MYRIP: variants seen among roughly 807,000 people sequenced by gnomAD.
The protein encoded by MYRIP is myosin VIIA and Rab interacting protein.
In MYRIP, 49 loss-of-function variants were observed where a neutral mutation model predicts 98.0. That is an observed-to-expected ratio of 0.50 (90% CI 0.40 to 0.63). The LOEUF (loss-of-function observed/expected upper bound fraction) is 0.63, where lower values mean the gene tolerates loss of function less well. Among genes scored for constraint, MYRIP ranks in the 30% least tolerant of loss-of-function variants. MYRIP has a pLI of 0.00. For synonymous variants in MYRIP, 404 were observed against 409.5 expected (o/e 0.99, Z 0.16); for missense variants, 1,004 against 1,058.2 (o/e 0.95, Z 0.71).
chr3:39,842,349 G>A (rs912940972), intron 1 of MYRIP, among the ~76,000 whole-genome samples: 8 of 152,134 alleles, frequency 5.3e-5, no homozygotes, highest in Admixed American at 6.5e-5. Context: ...TCAGACTGCC[G>A]TGCTGGCAGC....
intron 1 of MYRIP, among the ~76,000 whole-genome samples, chr3:39,817,592 T>C (rs761966826): frequency 7.2e-5 from 11 of 152,194 alleles, no homozygotes; most frequent in Non-Finnish European, 1.0e-4. Context: ...AATATACTTT[T>C]GTATATATTT....
At chr3:40,015,649 G>A (rs1319623350) in intron 2 of MYRIP, among the ~76,000 whole-genome samples, 1 of 152,240 alleles carries the variant, frequency 6.6e-6, no homozygotes, top group Non-Finnish European at 1.5e-5. Context: ...CCTTAGCCAG[G>A]ACAGCCAGGC....
chr3:39,922,110 G>C (rs1364992624), intron 2 of MYRIP, among the ~76,000 whole-genome samples: 3 of 151,978 alleles, frequency 2.0e-5, no homozygotes, highest in Non-Finnish European at 4.4e-5. Context: ...AGTTCTCTTA[G>C]GTTTTTGTTT....
At chr3:40,166,240 A>G (rs1950496261) in intron 5 of MYRIP, among the ~76,000 whole-genome samples, 1 of 152,230 alleles carries the variant, frequency 6.6e-6, no homozygotes, top group Non-Finnish European at 1.5e-5. Context: ...TCATCACAAT[A>G]TACATTATAT....
chr3:39,890,368 C>G (rs375292788), intron 1 of MYRIP, among the ~76,000 whole-genome samples: 19 of 152,052 alleles, frequency 1.2e-4, no homozygotes, highest in African/African-American at 4.6e-4. Context: ...TTGATATTTC[C>G]CCATTTCTTC....
chr3:40,159,889 C>A (rs1298869754), intron 4 of MYRIP, among the ~76,000 whole-genome samples: 1 of 152,184 alleles, frequency 6.6e-6, no homozygotes, highest in African/African-American at 2.4e-5. Flanking sequence ...TCTAGTTATA[C>A]ATTCTTCTAA....
At chr3:40,170,636 G>A (rs970064676) in intron 8 of MYRIP, among the ~76,000 whole-genome samples, 1 of 152,224 alleles carries the variant, frequency 6.6e-6, no homozygotes, top group Admixed American at 6.5e-5. Flanking sequence ...CTGCAGTAGA[G>A]TTGCTGAGTC....
intron 4 of MYRIP, among the ~76,000 whole-genome samples, chr3:40,156,902 A>C (rs1030880444): frequency 3.3e-5 from 5 of 151,580 alleles, no homozygotes; most frequent in African/African-American, 1.2e-4. Flanking sequence ...GGGCTGAGAC[A>C]ATGGGGTTTT....
intron 1 of MYRIP, among the ~76,000 whole-genome samples, chr3:39,883,084 G>A (rs546426571): frequency 6.6e-6 from 1 of 152,318 alleles, no homozygotes; most frequent in South Asian, 2.1e-4. Flanking sequence ...AACAGCATTT[G>A]AGGCCAGTTT....
chr3:40,036,326 T>C lies in MYRIP; in HGVS notation c.111-7724T>C, dbSNP rs376113533. Among the ~76,000 whole-genome samples, 344 of 44,782 alleles carry C rather than the reference T, an allele frequency of 7.7e-3. 4 individuals are homozygous for C. Among genetic ancestry groups the C allele is most frequent in the African/African-American group, 0.02 (325 of 16,172 alleles). The allele number at this position is 44,782 out of a possible 152,430, so 29.4% of individuals were successfully genotyped here. On this transcript the variant is annotated intron_variant, in intron 2 of 16. Transcript: ENST00000302541. ...CCAAAAAAAAAAAAAAAAAAAAAAC[T>C]TTATTCAAAATGAGCTGTCAACTTG...
At chr3:40,087,614 A>G (rs1420140032) in intron 3 of MYRIP, among the ~76,000 whole-genome samples, 1 of 152,158 alleles carries the variant, frequency 6.6e-6, no homozygotes, top group Non-Finnish European at 1.5e-5. Flanking sequence ...TCTCCAGGGG[A>G]AAAGAAAGCT....
rs887285851 is a variant in MYRIP at position 40,153,754 on chromosome 3, C to G, written c.469+2570C>G. Among the ~76,000 whole-genome samples the G allele has an allele frequency of 2.6e-5, 4 of 152,168 alleles. No homozygotes were observed. The East Asian group carries it at 7.7e-4, about 29-fold the overall frequency. ...CATGATATGCAAAATCTGCAGTGCACAAGGCATGTGCTATGCTCCAGGACT... is the reference window on the plus strand; with the variant it reads ...CATGATATGCAAAATCTGCAGTGCAGAAGGCATGTGCTATGCTCCAGGACT... On this transcript the variant is annotated intron_variant, in intron 4 of 16. Coordinates refer to ENST00000302541, the MANE Select transcript of MYRIP (RefSeq NM_015460.4).
intron 10 of MYRIP, among the ~76,000 whole-genome samples, chr3:40,200,343 T>A (rs1348654724): frequency 2.6e-5 from 4 of 152,054 alleles, no homozygotes; most frequent in South Asian, 2.1e-4. Context: ...TTCAAAGTCC[T>A]CTTGGGCCAC....
intron 3 of MYRIP, among the ~76,000 whole-genome samples, chr3:40,068,080 G>A (rs902569827): frequency 4.0e-5 from 6 of 151,816 alleles, no homozygotes; most frequent in East Asian, 1.9e-4. Flanking sequence ...TTTTTATTTC[G>A]CAGCTATAGA....
rs2125678434 is a variant in MYRIP at position 39,908,886 on chromosome 3, C to T, written c.110+7960C>T. Among the ~76,000 whole-genome samples the T allele has an allele frequency of 2.0e-5, 3 of 152,332 alleles. 1 individual carries two copies. In the South Asian group the frequency reaches 6.2e-4, roughly 32 times the overall value. ...ATGGTTTGTGAAATAACTGTGTGTG[C>T]ACAGAGTGCATTTGCCTGAGGTCTC... On this transcript the variant is annotated intron_variant, in intron 2 of 16. Coordinates refer to ENST00000302541, the MANE Select transcript of MYRIP (RefSeq NM_015460.4).
chr3:39,900,542 A>ATT (rs34530533), intron 1 of MYRIP, among the ~76,000 whole-genome samples: 5 of 151,414 alleles, frequency 3.3e-5, no homozygotes, highest in African/African-American at 1.2e-4. Context: ...GTTATAAAGA[A>ATT]TTTTTTTTTC....
intron 2 of MYRIP, among the ~76,000 whole-genome samples, chr3:39,943,664 T>G (rs1477417552): frequency 2.6e-5 from 4 of 152,160 alleles, no homozygotes; most frequent in Admixed American, 2.6e-4. Flanking sequence ...ATTTAATATT[T>G]AGGCACTGTG....
chr3:40,179,137 T>C (rs1950831437), intron 8 of MYRIP, among the ~76,000 whole-genome samples: 1 of 152,204 alleles, frequency 6.6e-6, no homozygotes, highest in African/African-American at 2.4e-5. Context: ...AAAAGCATTG[T>C]TGTGGTGCCC....
chr3:39,951,177 T>TTGATG (rs1490638070), intron 2 of MYRIP, among the ~76,000 whole-genome samples: 1 of 152,176 alleles, frequency 6.6e-6, no homozygotes, highest in Non-Finnish European at 1.5e-5. Context: ...TTTTCAAACT[T>TTGATG]TGATGTGATG....
Sources: allele counts gnomAD v4.1 joint callset (sites outside exome capture counted in the v4.1 genomes callset), GRCh38; gene constraint gnomAD v4.1.1; transcripts MANE v1.5; gene names NCBI Gene and HGNC (gene_info 2026-07-23, HGNC 2026-07-21).